Variants in CNTN5 observed in about 807,000 individuals in gnomAD.
CNTN5 encodes contactin 5, also known as contactin-5.
A neutral mutation model predicts 129.1 loss-of-function variants in CNTN5; 77 were observed. The ratio of observed to expected loss-of-function variants is 0.60; its 90% CI spans 0.50 to 0.72. The LOEUF is 0.72. Ranked by LOEUF, CNTN5 falls within the 30% of genes least tolerant of loss-of-function variation. The pLI, the probability that CNTN5 is intolerant of heterozygous loss-of-function variation, is 0.00. For missense variants in CNTN5, 1,478 were observed against 1,328.8 expected, an observed-to-expected ratio of 1.11 and a Z score of -1.75; for synonymous variants, 509 against 465.6, an observed-to-expected ratio of 1.09 and a Z score of -1.20.
In CNTN5 at chr11:99,658,900, A is replaced by AAG. The variant is rs1417735509; in HGVS notation, c.55+102632_55+102633insGA. Among the ~76,000 whole-genome samples the AAG allele has an allele frequency of 4.7e-5, 7 of 149,640 alleles. No individual in the cohort carries two copies. In the East Asian group the frequency reaches 9.7e-4, roughly 21 times the overall value. On this transcript the variant is annotated intron_variant, in intron 3 of 24. Coordinates refer to ENST00000524871, the MANE Select transcript of CNTN5 (RefSeq NM_014361.4). ...TGAAACTCTGTCTCAAAAAAAAAAA[A>AAG]AAAAAGAAAAAGAAAAATATAATGA...
chr11:99,424,388 G>A (rs1269341345), intron 2 of CNTN5, among the ~76,000 whole-genome samples: 6 of 152,228 alleles, frequency 3.9e-5, no homozygotes, highest in Non-Finnish European at 8.8e-5. Context: ...GTGGCACCCA[G>A]CATGCTGCAC....
intron 1 of CNTN5, among the ~76,000 whole-genome samples, chr11:99,118,063 A>AAT (rs57932210): frequency 0.021 from 3,140 of 152,142 alleles, 127 homozygotes; most frequent in African/African-American, 0.072. Flanking sequence ...TATTTTAGGA[A>AAT]ATATATATAT....
intron 1 of CNTN5, among the ~76,000 whole-genome samples, chr11:99,039,473 CTTCA>C (rs1310591648): frequency 6.6e-6 from 1 of 152,066 alleles, no homozygotes; most frequent in Non-Finnish European, 1.5e-5. Flanking sequence ...CCATGCTGCT[CTTCA>C]TTGTATTCAC....
chr11:99,304,992 A>G (rs1864811772), intron 1 of CNTN5, among the ~76,000 whole-genome samples: 1 of 152,192 alleles, frequency 6.6e-6, no homozygotes, highest in South Asian at 2.1e-4. Context: ...GGGTAATGAT[A>G]TTTTAGATAT....
At chr11:99,436,884 T>C (rs1364063117) in intron 2 of CNTN5, among the ~76,000 whole-genome samples, 1 of 152,140 alleles carries the variant, frequency 6.6e-6, no homozygotes. Flanking sequence ...TCATCCTGGT[T>C]CCCTTTCATC....
At chr11:100,071,121 T>C (rs1943905286) in intron 11 of CNTN5, among the ~76,000 whole-genome samples, 1 of 152,158 alleles carries the variant, frequency 6.6e-6, no homozygotes, top group Non-Finnish European at 1.5e-5. Flanking sequence ...TGCTCAATTT[T>C]TTGTTTTTTA....
At chr11:99,868,334 T>C (rs1435347614) in intron 6 of CNTN5, among the ~76,000 whole-genome samples, 1 of 152,198 alleles carries the variant, frequency 6.6e-6, no homozygotes, top group Non-Finnish European at 1.5e-5. Context: ...AAGCCAACAT[T>C]TGTTGAAAAT....
At chr11:100,059,702 A>G (rs1478147673) in intron 9 of CNTN5, among the ~76,000 whole-genome samples, 1 of 152,128 alleles carries the variant, frequency 6.6e-6, no homozygotes, top group Admixed American at 6.5e-5. Context: ...CGATGCTGGC[A>G]AAGATATAGG....
intron 1 of CNTN5, among the ~76,000 whole-genome samples, chr11:99,167,378 A>G (rs1940488): frequency 0.67 from 102,235 of 152,044 alleles, 34,789 homozygotes; most frequent in East Asian, 0.94. Context: ...GGTATGTAAA[A>G]AAGTAGGAAT....
At chr11:100,037,679 T>G (rs1032567964) in intron 9 of CNTN5, among the ~76,000 whole-genome samples, 4 of 152,230 alleles carry the variant, frequency 2.6e-5, no homozygotes, top group African/African-American at 9.6e-5. Flanking sequence ...ATTCAACTTC[T>G]TCCTGGTTTA....
chr11:99,739,822 A>G (rs1347364815), intron 3 of CNTN5, among the ~76,000 whole-genome samples: 2 of 152,198 alleles, frequency 1.3e-5, no homozygotes, highest in East Asian at 1.9e-4. Context: ...CACTGAAAAT[A>G]TATGAGTAAA....
intron 1 of CNTN5, among the ~76,000 whole-genome samples, chr11:99,096,256 G>A (rs1173853720): frequency 2.0e-5 from 3 of 151,714 alleles, no homozygotes; most frequent in African/African-American, 7.3e-5. Flanking sequence ...GCCTAATTTA[G>A]GATAAAATTT....
chr11:99,208,465 A>AT (rs1373571490), intron 1 of CNTN5, among the ~76,000 whole-genome samples: 1 of 152,168 alleles, frequency 6.6e-6, no homozygotes, highest in Non-Finnish European at 1.5e-5. Flanking sequence ...GGTCATACTT[A>AT]TTACCAAGCC....
At chr11:100,100,372 C>T (rs905748675) in intron 13 of CNTN5, among the ~76,000 whole-genome samples, 5 of 152,110 alleles carry the variant, frequency 3.3e-5, no homozygotes, top group South Asian at 4.1e-4. Context: ...TCTATACACC[C>T]ATTTATACTT....
chr11:100,316,495 C>T (rs73565623), intron 21 of CNTN5, among the ~76,000 whole-genome samples: 2,498 of 152,238 alleles, frequency 0.016, 88 homozygotes, highest in African/African-American at 0.057. Flanking sequence ...CATCCTGATC[C>T]TCTGAAGAAA....
At chr11:100,259,864 C>A (rs990022031) in intron 17 of CNTN5, among the ~76,000 whole-genome samples, 3 of 150,298 alleles carry the variant, frequency 2.0e-5, no homozygotes, top group Non-Finnish European at 4.4e-5. Context: ...AATTCAACAC[C>A]ATAAAATCAC....
intron 6 of CNTN5, among the ~76,000 whole-genome samples, chr11:99,849,238 GATAT>G (rs1947798209): frequency 6.6e-6 from 1 of 151,230 alleles, no homozygotes; most frequent in South Asian, 2.1e-4. Context: ...AAAATGTAAA[GATAT>G]ATCATCGAAG....
Position 100,358,041 on chromosome 11 carries a change from A to C in CNTN5, c.*1821A>C, listed in dbSNP as rs1276305616. 4 of 151,914 alleles carry C rather than the reference A, an allele frequency of 2.6e-5. No homozygotes were observed. Among genetic ancestry groups the C allele is most frequent in the Non-Finnish European group, 4.4e-5 (3 of 67,850 alleles). 9.4% of individuals were successfully genotyped at this position (151,914 alleles called of 1,614,324 possible). Reference sequence around the variant, plus strand: ...TAAAGTGGGAGAGGCTGGACTTTGCAAAAACAGGGATGCTAATTGTTTAGC... The same window carrying C: ...TAAAGTGGGAGAGGCTGGACTTTGCCAAAACAGGGATGCTAATTGTTTAGC... On this transcript the variant is annotated 3_prime_UTR_variant, in exon 25 of 25. Transcript: ENST00000524871.
chr11:99,592,807 G>T (rs1301265154), intron 3 of CNTN5, among the ~76,000 whole-genome samples: 1 of 152,180 alleles, frequency 6.6e-6, no homozygotes. Flanking sequence ...TGTAGGAGGT[G>T]AGTGGGAAGA....
Sources: gnomAD v4.1 joint callset for allele counts (sites outside exome capture counted in the v4.1 genomes callset) on GRCh38, gnomAD v4.1.1 for gene constraint, MANE v1.5 for transcripts, NCBI Gene and HGNC (gene_info 2026-07-23, HGNC 2026-07-21) for gene names.